ZNF710: variants seen among roughly 807,000 people sequenced by gnomAD.
The protein encoded by ZNF710 is zinc finger protein 710.
Under a neutral mutation model 50.6 loss-of-function variants are expected in ZNF710, and 13 were observed. The ratio of observed to expected loss-of-function variants is 0.26; its 90% CI spans 0.17 to 0.41. The LOEUF is 0.41. ZNF710 is among the 10% of genes least tolerant of loss of function. The pLI, the probability that ZNF710 is intolerant of heterozygous loss-of-function variation, is 1.00. For synonymous variants in ZNF710, 383 were observed against 397.0 expected, an observed-to-expected ratio of 0.96 and a Z score of 0.42; for missense variants, 721 against 936.6, an observed-to-expected ratio of 0.77 and a Z score of 3.01.
chr15:90,041,260 G>A (rs1263492450), intron 1 of ZNF710, among the ~76,000 whole-genome samples: 1 of 152,048 alleles, frequency 6.6e-6, no homozygotes, highest in Admixed American at 6.6e-5. Context: ...AGAATGCAGC[G>A]GCATGATCAC....
At position 90,060,161 on chromosome 15, in the gene ZNF710, AGC is replaced by A. The variant is rs548103452; in HGVS notation, c.-28-6948_-28-6947del. 3.8e-3 allele frequency among the ~76,000 whole-genome samples: 530 copies of A among 138,314 alleles called. 3 individuals carry two copies. Among genetic ancestry groups the A allele is most frequent in the African/African-American group, 0.013 (472 of 37,416 alleles). 90.7% of individuals were successfully genotyped at this position (138,314 alleles called of 152,430 possible). A position where few individuals can be genotyped will look rare whatever the true frequency, so the allele number is the denominator to read the frequency against. ...AGATCCGGGTGCTTCATGTGGACTG[AGC>A]TTACGCAAGTCAACTCCCCAAGGGT... On this transcript the variant is annotated intron_variant, in intron 1 of 4. Transcript: ENST00000268154.
intron 1 of ZNF710, among the ~76,000 whole-genome samples, chr15:90,048,848 C>T (rs1000840320): frequency 6.6e-6 from 1 of 152,184 alleles, no homozygotes; most frequent in Non-Finnish European, 1.5e-5. Flanking sequence ...ACCCTCACAG[C>T]CCCACAGGCA....
chr15:90,080,084 C>G lies in ZNF710; in HGVS notation c.*255C>G. On this transcript the variant is annotated 3_prime_UTR_variant, in exon 5 of 5. Coordinates refer to ENST00000268154, the MANE Select transcript of ZNF710 (RefSeq NM_198526.4). ...GAACACGCGAGGCCCAGATCTGGGT[C>G]TCCCTGGCCTGCTTCCGTGGGGAGT... 2 of 373,194 alleles carry G rather than the reference C, an allele frequency of 5.4e-6. No homozygotes were observed. Among genetic ancestry groups the G allele is most frequent in the South Asian group, 8.5e-5 (2 of 23,452 alleles). The allele number at this position is 373,194 out of a possible 1,614,324, so 23.1% of individuals were successfully genotyped here.
At chr15:90,031,304 TG>T (rs1320170778) in intron 1 of ZNF710, among the ~76,000 whole-genome samples, 8 of 152,168 alleles carry the variant, frequency 5.3e-5, no homozygotes, top group Non-Finnish European at 1.0e-4. Flanking sequence ...GGGATTGAAA[TG>T]TACCCTGGGG....
At chr15:90,015,318 G>T (rs1596266354) in intron 1 of ZNF710, among the ~76,000 whole-genome samples, 1 of 152,310 alleles carries the variant, frequency 6.6e-6, no homozygotes, top group East Asian at 1.9e-4. Context: ...ATGTGTTGGT[G>T]GGGAACAGAT....
rs553182166 is a variant in ZNF710, at chr15:90,014,889, A to AT, written c.-29+13275_-29+13276insT. Among the ~76,000 whole-genome samples, 223 of 149,178 alleles carry AT rather than the reference A, an allele frequency of 1.5e-3. 1 individual carries two copies. The highest frequency in any genetic ancestry group is 4.8e-3 in the African/African-American group (193 of 40,030). On this transcript the variant is annotated intron_variant, in intron 1 of 4. Coordinates refer to ENST00000268154, the MANE Select transcript of ZNF710 (RefSeq NM_198526.4). ...TCATTAAGAAAAAGACCATCAACTG[A>AT]ATTTTTTTTTTTTTTTTTTTGAGAT...
At chr15:90,058,503 CT>C (rs1899896640) in intron 1 of ZNF710, among the ~76,000 whole-genome samples, 1 of 152,078 alleles carries the variant, frequency 6.6e-6, no homozygotes. Context: ...CCCTTGGCGA[CT>C]GTCAGTTTCC....
At chr15:90,003,229 C>T (rs1898059462) in intron 1 of ZNF710, among the ~76,000 whole-genome samples, 1 of 152,146 alleles carries the variant, frequency 6.6e-6, no homozygotes, top group Non-Finnish European at 1.5e-5. Context: ...ACGTCATGGC[C>T]CACCCTTGAG....
chr15:90,012,373 A>G (rs1898332867), intron 1 of ZNF710, among the ~76,000 whole-genome samples: 1 of 145,518 alleles, frequency 6.9e-6, no homozygotes, highest in Non-Finnish European at 1.5e-5. Flanking sequence ...GCTCACTGCA[A>G]GCTCCGCCCC....
At chr15:90,030,994 G>C (rs867704165) in intron 1 of ZNF710, among the ~76,000 whole-genome samples, 1 of 132,104 alleles carries the variant, frequency 7.6e-6, no homozygotes, top group Admixed American at 8.4e-5. Flanking sequence ...ACTCCAGCCT[G>C]GGCGACAGAG....
Position 90,061,935 on chromosome 15 carries a change from G to C in ZNF710, c.-28-5175G>C, listed in dbSNP as rs529727482. Reference sequence around the variant, plus strand: ...TCACAGTTAGAGATTCCAGAGCTCTGAGGAGACGGCGTCCCTGCTTGGGTG... The same window carrying C: ...TCACAGTTAGAGATTCCAGAGCTCTCAGGAGACGGCGTCCCTGCTTGGGTG... On this transcript the variant is annotated intron_variant, in intron 1 of 4. Coordinates refer to ENST00000268154, the MANE Select transcript of ZNF710 (RefSeq NM_198526.4). 1.2e-3 allele frequency among the ~76,000 whole-genome samples: 185 copies of C among 152,252 alleles called. 2 individuals carry two copies. Among genetic ancestry groups the C allele is most frequent in the South Asian group, 8.3e-4 (4 of 4,830 alleles).
At chr15:90,033,044 A>G (rs1303647368) in intron 1 of ZNF710, among the ~76,000 whole-genome samples, 1 of 152,224 alleles carries the variant, frequency 6.6e-6, no homozygotes, top group Non-Finnish European at 1.5e-5. Context: ...AGTGCCCCAC[A>G]AAAGTATGGG....
chr15:90,036,359 T>C (rs553272495), intron 1 of ZNF710, among the ~76,000 whole-genome samples: 1 of 152,128 alleles, frequency 6.6e-6, no homozygotes, highest in Non-Finnish European at 1.5e-5. Flanking sequence ...TCGATTTTAA[T>C]GTTCCTTTGA....
intron 1 of ZNF710, among the ~76,000 whole-genome samples, chr15:90,018,587 C>T (rs1898521340): frequency 6.6e-6 from 1 of 152,178 alleles, no homozygotes; most frequent in African/African-American, 2.4e-5. Context: ...AAAGAAACGG[C>T]CATTGCCCTT....
chr15:90,023,146 A>G (rs1271346625), intron 1 of ZNF710, among the ~76,000 whole-genome samples: 3 of 152,154 alleles, frequency 2.0e-5, no homozygotes, highest in Non-Finnish European at 4.4e-5. Context: ...CCTCGCACCT[A>G]TAAGGAGTGG....
chr15:90,053,461 A>G (rs1319638636), intron 1 of ZNF710, among the ~76,000 whole-genome samples: 2 of 149,886 alleles, frequency 1.3e-5, no homozygotes, highest in African/African-American at 5.0e-5. Flanking sequence ...CCATCCTCCC[A>G]CTCAGCCCCC....
At chr15:90,074,064 C>G (rs376614143) in intron 3 of ZNF710, 52 bp from the exon 4 acceptor site, 1 of 1,563,706 alleles carries the variant, frequency 6.4e-7, no homozygotes, top group Non-Finnish European at 8.6e-7. Context: ...GGCTGGGGTC[C>G]GGGGAAAGCA....
At chr15:90,021,427 CTG>C (rs1453411101) in intron 1 of ZNF710, among the ~76,000 whole-genome samples, 1 of 152,208 alleles carries the variant, frequency 6.6e-6, no homozygotes, top group Non-Finnish European at 1.5e-5. Flanking sequence ...CATAGCTACA[CTG>C]TGTGTTTGTA....
rs74417237 is a variant in ZNF710 at position 90,068,469 on chromosome 15, C to T, written c.1332C>T (p.Phe444=). ...LYQCLECDKS[F]HYRSQLQNHM... ...AGTGCCTCGAGTGTGACAAGTCCTT[C>T]CACTACCGCAGCCAGTTGCAGAACC... Residue 444 remains phenylalanine, a synonymous_variant, in exon 2 of 5, where the codon TTC becomes TTT. Coordinates refer to ENST00000268154, the MANE Select transcript of ZNF710 (RefSeq NM_198526.4). This position sits in a 1 kb window ranked among gnomAD's most constrained non-coding sequence, Gnocchi z 5.0. 5.8e-4 allele frequency: 931 copies of T among 1,614,148 alleles called. 19 individuals are homozygous for T. In the East Asian group the frequency reaches 0.021, roughly 36 times the overall value.
Sources: gnomAD v4.1 joint callset for allele counts (sites outside exome capture counted in the v4.1 genomes callset) on GRCh38, gnomAD v4.1.1 for gene constraint, Gnocchi (gnomAD v3.1) non-coding constraint, MANE v1.5 for transcripts, NCBI Gene and HGNC (gene_info 2026-07-23, HGNC 2026-07-21) for gene names.